The following OSBPL3 variants were observed in gnomAD, a reference collection of about 807,000 sequenced individuals.
OSBPL3 encodes oxysterol binding protein like 3.
In OSBPL3, 65 loss-of-function variants were observed where a neutral mutation model predicts 120.1. That is an observed-to-expected ratio of 0.54 (90% CI 0.44 to 0.67). The LOEUF is 0.67. Among genes scored for constraint, OSBPL3 ranks in the 30% least tolerant of loss-of-function variants. The probability of loss-of-function intolerance (pLI) is 0.00; values close to 1 mark genes in which losing one functional copy is unlikely to be tolerated. For missense variants in OSBPL3, 1,004 were observed against 1,082.1 expected (o/e 0.93, Z 1.01); for synonymous variants, 416 against 402.6 (o/e 1.03, Z -0.40).
At chr7:24,976,044 A>C (rs1817550005) in intron 1 of OSBPL3, among the ~76,000 whole-genome samples, 1 of 152,266 alleles carries the variant, frequency 6.6e-6, no homozygotes, top group African/African-American at 2.4e-5. Flanking sequence ...CTTTAGGCTA[A>C]GGAATCTATA....
intron 1 of OSBPL3, among the ~76,000 whole-genome samples, chr7:24,909,517 T>C (rs376699187): frequency 7.4e-4 from 112 of 152,300 alleles, no homozygotes; most frequent in Admixed American, 2.0e-3. Flanking sequence ...AACAGTTACA[T>C]GAGAGAGAAA....
rs969428039 is a variant in OSBPL3 at position 24,835,072 on chromosome 7, T to C, written c.1496-336A>G. On this transcript the variant is annotated intron_variant, in intron 14 of 22. Transcript: ENST00000313367. The surrounding 1 kb of genome is among the most constrained non-coding windows in gnomAD (Gnocchi z 4.8). ...ATTGTTTATAAAAACTTGTAAACTT[T>C]TTAAAAAATCACTTTAAATTCTGGT... is the stretch of plus-strand genomic sequence containing the variant. Among the ~76,000 whole-genome samples, 9 of 152,240 alleles carry C rather than the reference T, an allele frequency of 5.9e-5. No individual in the cohort carries two copies. The highest frequency in any genetic ancestry group is 8.8e-5 in the Non-Finnish European group (6 of 68,042).
rs919527194 is a variant in OSBPL3, at chr7:24,819,467, AAG to A, written c.1948+706_1948+707del. Among the ~76,000 whole-genome samples, 4 of 152,176 alleles carry A rather than the reference AAG, an allele frequency of 2.6e-5. No homozygotes were observed. Among genetic ancestry groups the A allele is most frequent in the African/African-American group, 9.7e-5 (4 of 41,448 alleles). ...AAACTGGAAATACTGATTGCCTCCAAAGAGAGAAACTGAGTGGCTGGGGAAGG... is the reference window on the plus strand; with the variant it reads ...AAACTGGAAATACTGATTGCCTCCAAAGAGAAACTGAGTGGCTGGGGAAGG... On this transcript the variant is annotated intron_variant, in intron 17 of 22. Transcript: ENST00000313367. The surrounding 1 kb of genome is among the most constrained non-coding windows in gnomAD (Gnocchi z 4.1).
At chr7:24,928,796 C>T (rs1211016812) in intron 1 of OSBPL3, among the ~76,000 whole-genome samples, 1 of 152,120 alleles carries the variant, frequency 6.6e-6, no homozygotes, top group African/African-American at 2.4e-5. Context: ...GCTCCTTCAC[C>T]TCAATATGAT....
rs1357230143 is a variant in OSBPL3 at position 24,940,579 on chromosome 7, T to C, written c.-150+39307A>G. On this transcript the variant is annotated intron_variant, in intron 1 of 22. Transcript: ENST00000313367. The surrounding 1 kb of genome is among the most constrained non-coding windows in gnomAD (Gnocchi z 4.4). ...GATGGAGGAAAGGGTATTTCAGAGA[T>C]AACCATCTCAAAGTGAGAGCACCAG... Among the ~76,000 whole-genome samples the C allele has an allele frequency of 6.6e-6, 1 of 152,064 alleles. No homozygotes were observed. Among genetic ancestry groups the C allele is most frequent in the African/African-American group, 2.4e-5 (1 of 41,404 alleles).
chr7:24,926,965 T>C (rs1464921778), intron 1 of OSBPL3, among the ~76,000 whole-genome samples: 2 of 152,160 alleles, frequency 1.3e-5, no homozygotes, highest in Admixed American at 1.3e-4. Context: ...TTATTTTGAG[T>C]TGAATGGAAG....
rs1055895299 is a variant in OSBPL3 at position 24,980,034 on chromosome 7, G to T, written c.-298C>A. 6 of 985,304 alleles carry T rather than the reference G, an allele frequency of 6.1e-6. No homozygotes were observed. The highest frequency in any genetic ancestry group is 5.2e-4 in the Middle Eastern group (1 of 1,934). The allele number at this position is 985,304 out of a possible 1,614,324, so 61.0% of individuals were successfully genotyped here. On this transcript the variant is annotated 5_prime_UTR_variant, in exon 1 of 23. Coordinates refer to ENST00000313367, the MANE Select transcript of OSBPL3 (RefSeq NM_015550.4). ...TCCCGCACCGGCCGCAGGAGTCGGG[G>T]GCGGGGATGGCCACTTGCAGACAGA...
chr7:24,857,684 A>C (rs1800009075), intron 10 of OSBPL3, among the ~76,000 whole-genome samples: 1 of 152,216 alleles, frequency 6.6e-6, no homozygotes, highest in African/African-American at 2.4e-5. Context: ...ATGTTTTTTA[A>C]AGTATGTTTC....
intron 2 of OSBPL3, among the ~76,000 whole-genome samples, chr7:24,884,146 G>A (rs1355962181): frequency 1.3e-5 from 2 of 152,076 alleles, no homozygotes; most frequent in African/African-American, 4.8e-5. Context: ...AATCATCCAC[G>A]TTCTTCTTGG....
At position 24,797,235 on chromosome 7, in the gene OSBPL3, A is replaced by C. The variant is rs927659598; in HGVS notation, c.*2948T>G. Reference sequence around the variant, plus strand: ...GATGGAAGACAGTGCTTGAAGCCCAAACAAATGATTTACTACAAGTAATTA... The same window carrying C: ...GATGGAAGACAGTGCTTGAAGCCCACACAAATGATTTACTACAAGTAATTA... On this transcript the variant is annotated 3_prime_UTR_variant, in exon 23 of 23. Coordinates refer to ENST00000313367, the MANE Select transcript of OSBPL3 (RefSeq NM_015550.4). This position sits in a 1 kb window ranked among gnomAD's most constrained non-coding sequence, Gnocchi z 4.8. 2 of 152,230 alleles carry C rather than the reference A, an allele frequency of 1.3e-5. No homozygotes were observed. Among genetic ancestry groups the C allele is most frequent in the Middle Eastern group, 3.2e-3 (1 of 316 alleles). 9.4% of individuals were successfully genotyped at this position (152,230 alleles called of 1,614,324 possible). A position where few individuals can be genotyped will look rare whatever the true frequency, so the allele number is the denominator to read the frequency against.
At position 24,798,428 on chromosome 7, in the gene OSBPL3, A is replaced by T. The variant is rs557992189; in HGVS notation, c.*1755T>A. The T allele has an allele frequency of 1.3e-5, 2 of 152,346 alleles. No individual in the cohort carries two copies. The highest frequency in any genetic ancestry group is 3.9e-4 in the East Asian group (2 of 5,190). The allele number at this position is 152,346 out of a possible 1,614,324, so 9.4% of individuals were successfully genotyped here. A position where few individuals can be genotyped will look rare whatever the true frequency, so the allele number is the denominator to read the frequency against. ...CCTCATGTCTGTGAGCAGAATTTGG[A>T]TAAATGCTTGAGATGGAAAGAACAA... is the stretch of plus-strand genomic sequence containing the variant. On this transcript the variant is annotated 3_prime_UTR_variant, in exon 23 of 23. Transcript: ENST00000313367. The surrounding 1 kb of genome is among the most constrained non-coding windows in gnomAD (Gnocchi z 4.6).
chr7:24,855,779 A>T lies in OSBPL3; in HGVS notation c.1028-3145T>A, dbSNP rs1799768712. On this transcript the variant is annotated intron_variant, in intron 10 of 22. Transcript: ENST00000313367. This position sits in a 1 kb window ranked among gnomAD's most constrained non-coding sequence, Gnocchi z 4.3. ...TTTCTAACATGAATCTAAGCTTACT[A>T]GAGACAAATAAACAGCTTTAAAAAA... is the stretch of plus-strand genomic sequence containing the variant. 6.6e-6 allele frequency among the ~76,000 whole-genome samples: 1 copy of T among 152,222 alleles called. No homozygotes were observed. Among genetic ancestry groups the T allele is most frequent in the Admixed American group, 6.5e-5 (1 of 15,290 alleles).
chr7:24,826,916 C>T (rs1584265536), intron 16 of OSBPL3, among the ~76,000 whole-genome samples: 1 of 152,242 alleles, frequency 6.6e-6, no homozygotes, highest in South Asian at 2.1e-4. Context: ...CTCGAACATC[C>T]ACATGCCCAG....
In OSBPL3 at chr7:24,940,843, G is replaced by A. The variant is rs1164171426; in HGVS notation, c.-150+39043C>T. 9.7e-5 allele frequency among the ~76,000 whole-genome samples: 14 copies of A among 145,016 alleles called. No homozygotes were observed. The highest frequency in any genetic ancestry group is 2.6e-4 in the African/African-American group (10 of 38,550). On this transcript the variant is annotated intron_variant, in intron 1 of 22. Transcript: ENST00000313367. This position sits in a 1 kb window ranked among gnomAD's most constrained non-coding sequence, Gnocchi z 4.4. ...CTTTTTTTTTTTGTGTGTGTGTGAC[G>A]GAGTCTCGCTCTGTCGCCCAGGCTG...
intron 1 of OSBPL3, among the ~76,000 whole-genome samples, chr7:24,919,379 G>A (rs530754656): frequency 6.6e-6 from 1 of 152,082 alleles, no homozygotes; most frequent in Admixed American, 6.6e-5. Context: ...TTCATTTTTG[G>A]AAAAACGGCC....
chr7:24,800,146 G>A lies in OSBPL3; in HGVS notation c.*37C>T. 8.5e-7 allele frequency: 1 copy of A among 1,178,674 alleles called. No homozygotes were observed. Among genetic ancestry groups the A allele is most frequent in the Non-Finnish European group, 1.3e-6 (1 of 784,078 alleles). 73.0% of individuals were successfully genotyped at this position (1,178,674 alleles called of 1,614,324 possible). A position where few individuals can be genotyped will look rare whatever the true frequency, so the allele number is the denominator to read the frequency against. The stretch of plus-strand genomic sequence containing the variant: ...GTGCCACTTCAGAAGGCAAGCACAG[G>A]AGAAATACACTAATGTTATCTTTCT... On this transcript the variant is annotated 3_prime_UTR_variant, in exon 23 of 23. Coordinates refer to ENST00000313367, the MANE Select transcript of OSBPL3 (RefSeq NM_015550.4).
rs1191409365 is a variant in OSBPL3, at chr7:24,866,872, G to C, written c.382-635C>G. 3.3e-5 allele frequency among the ~76,000 whole-genome samples: 5 copies of C among 152,142 alleles called. No homozygotes were observed. In the East Asian group the frequency reaches 9.6e-4, roughly 29 times the overall value. On this transcript the variant is annotated intron_variant, in intron 5 of 22. Transcript: ENST00000313367. ...GCTGCAGTGCAATGGCCCAACCTTG[G>C]CTCACTGCAACCTCCACCTCCCAGG...
Position 24,892,445 on chromosome 7 carries a change from C to T in OSBPL3, c.28G>A (p.Val10Met), listed in dbSNP as rs111825165. 8 of 1,613,736 alleles carry T rather than the reference C, an allele frequency of 5.0e-6. No homozygotes were observed. In the African/African-American group the frequency reaches 6.7e-5, roughly 13 times the overall value. ...GAAGGTGATACCAATTTTTGGGACA[C>T]ACCAAGGTTCTTCTCATCACTCATC... Reference protein sequence around the residue: MMSDEKNLGVSQKLVSPSRS... With the variant: MMSDEKNLGMSQKLVSPSRS... The change falls in exon 2 of 23, where the codon GTG (valine) becomes ATG (methionine). Residue 10 changes from valine to methionine, a missense_variant. By Grantham distance (21) the Val-to-Met change is conservative. Coordinates refer to ENST00000313367, the MANE Select transcript of OSBPL3 (RefSeq NM_015550.4).
chr7:24,976,822 T>A (rs926754470), intron 1 of OSBPL3, among the ~76,000 whole-genome samples: 2 of 152,138 alleles, frequency 1.3e-5, no homozygotes, highest in African/African-American at 4.8e-5. Context: ...AACTGCATTA[T>A]CCAGACTCTT....
Sources: allele counts gnomAD v4.1 joint callset (sites outside exome capture counted in the v4.1 genomes callset), GRCh38; gene constraint gnomAD v4.1.1; non-coding constraint Gnocchi (gnomAD v3.1); transcripts MANE v1.5; gene names NCBI Gene and HGNC (gene_info 2026-07-23, HGNC 2026-07-21).